CACNA1C: variants seen among roughly 807,000 people sequenced by gnomAD.
The protein encoded by CACNA1C is voltage-dependent L-type calcium channel subunit alpha-1C.
In CACNA1C, 30 loss-of-function variants were observed where a neutral mutation model predicts 229.0. That is an observed-to-expected ratio of 0.13 (90% CI 0.10 to 0.18). The LOEUF is 0.18. Ranked by LOEUF, CACNA1C falls within the 10% of genes least tolerant of loss-of-function variation. CACNA1C has a pLI of 1.00. For missense variants in CACNA1C, 1,658 were observed against 2,845.0 expected (o/e 0.58, Z 9.49); for synonymous variants, 1,114 against 1,132.5 (o/e 0.98, Z 0.33).
intron 1 of CACNA1C, among the ~76,000 whole-genome samples, chr12:2,019,622 G>GAA (rs2046081760): frequency 8.5e-5 from 2 of 23,482 alleles, no homozygotes; most frequent in African/African-American, 2.6e-4. Flanking sequence ...GAAAGAAAAA[G>GAA]AAAGAAAGAA....
At chr12:2,178,595 C>T (rs992262763) in intron 3 of CACNA1C, among the ~76,000 whole-genome samples, 1 of 152,128 alleles carries the variant, frequency 6.6e-6, no homozygotes, top group Non-Finnish European at 1.5e-5. Context: ...CTGTGAACAC[C>T]TCTCTGCTCC....
intron 38 of CACNA1C, among the ~76,000 whole-genome samples, chr12:2,672,866 G>GT (rs2096625910): frequency 6.6e-6 from 1 of 152,222 alleles, no homozygotes; most frequent in Admixed American, 6.5e-5. Flanking sequence ...TGCACTGCGT[G>GT]TGTCAGAAAC....
At chr12:2,645,616 T>C (rs216029) in intron 30 of CACNA1C, among the ~76,000 whole-genome samples, 41,478 of 152,060 alleles carry the variant, frequency 0.27, 6,463 homozygotes, top group African/African-American at 0.43. Context: ...CGTGGGATCA[T>C]GTAGGAAACG....
At chr12:2,073,629 C>A (rs931307842) in intron 1 of CACNA1C, among the ~76,000 whole-genome samples, 5 of 152,248 alleles carry the variant, frequency 3.3e-5, no homozygotes, top group Non-Finnish European at 5.9e-5. Context: ...CTGGAATCAA[C>A]TATTTACATT....
chr12:2,445,896 G>A (rs2099272535), intron 3 of CACNA1C, among the ~76,000 whole-genome samples: 1 of 152,108 alleles, frequency 6.6e-6, no homozygotes, highest in South Asian at 2.1e-4. Flanking sequence ...GAGTGGTTCT[G>A]TGCTTGAGTG....
chr12:1,979,070 C>A (rs898755009), intron 1 of CACNA1C, among the ~76,000 whole-genome samples: 1 of 150,576 alleles, frequency 6.6e-6, no homozygotes, highest in African/African-American at 2.4e-5. Flanking sequence ...AGTGCAATGG[C>A]GCGATCTTGG....
chr12:2,365,580 G>C (rs918718135), intron 3 of CACNA1C, among the ~76,000 whole-genome samples: 1 of 152,220 alleles, frequency 6.6e-6, no homozygotes, highest in Non-Finnish European at 1.5e-5. Context: ...TGGCCTTCAT[G>C]AAATTGCAAA....
intron 3 of CACNA1C, among the ~76,000 whole-genome samples, chr12:2,430,959 G>T (rs538822503): frequency 6.6e-6 from 1 of 152,130 alleles, no homozygotes; most frequent in African/African-American, 2.4e-5. Context: ...CTCTGTGGGC[G>T]GCTTCAGGCA....
intron 1 of CACNA1C, among the ~76,000 whole-genome samples, chr12:1,987,125 C>T (rs1040826788): frequency 6.6e-6 from 1 of 152,192 alleles, no homozygotes; most frequent in Admixed American, 6.5e-5. Flanking sequence ...CAGGAACTCC[C>T]AGCTTTACAA....
In CACNA1C at chr12:2,512,994, C is replaced by T. The variant is rs772707687; in HGVS notation, c.1390+10C>T. On this transcript the variant is annotated intron_variant, in intron 9 of 46. Coordinates refer to ENST00000399655, the MANE Select transcript of CACNA1C (RefSeq NM_000719.7). This position sits in a 1 kb window ranked among gnomAD's most constrained non-coding sequence, Gnocchi z 4.3. ...GAGAAGCCCCGAAACAGTGAGCAGC[C>T]GTCTTCTTCTGTGTTTGGGCTGGGT... 1.6e-5 allele frequency: 25 copies of T among 1,587,540 alleles called. No individual in the cohort carries two copies. Among genetic ancestry groups the T allele is most frequent in the South Asian group, 1.2e-4 (10 of 86,742 alleles).
At position 2,566,651 on chromosome 12, in the gene CACNA1C, A is replaced by G. The variant is rs1213862845; in HGVS notation, c.1669+69A>G. The G allele has an allele frequency of 9.6e-6, 13 of 1,353,896 alleles. No homozygotes were observed. Among genetic ancestry groups the G allele is most frequent in the Non-Finnish European group, 1.2e-5 (12 of 985,504 alleles). The allele number at this position is 1,353,896 out of a possible 1,614,324, so 83.9% of individuals were successfully genotyped here. On this transcript the variant is annotated intron_variant, in intron 12 of 46. Transcript: ENST00000399655. The surrounding 1 kb of genome is among the most constrained non-coding windows in gnomAD (Gnocchi z 4.0). ...TCAGCCCCAAGGCCCAGGGGAGGGC[A>G]TAACCACAGGCAGAAGGTGGAGGGG...
chr12:2,006,395 G>A (rs1048148772), intron 1 of CACNA1C, among the ~76,000 whole-genome samples: 1 of 152,104 alleles, frequency 6.6e-6, no homozygotes, highest in Non-Finnish European at 1.5e-5. Flanking sequence ...GTGATAGAGC[G>A]AGACTCCATC....
intron 5 of CACNA1C, among the ~76,000 whole-genome samples, chr12:2,461,296 T>TGCCCTTG (rs1284407436): frequency 2.0e-5 from 3 of 152,238 alleles, no homozygotes; most frequent in Non-Finnish European, 4.4e-5. Flanking sequence ...GAACCACCGT[T>TGCCCTTG]GCCCTTGGCC....
At chr12:2,247,404 T>C (rs751866469) in intron 3 of CACNA1C, among the ~76,000 whole-genome samples, 24 of 152,194 alleles carry the variant, frequency 1.6e-4, no homozygotes, top group Non-Finnish European at 3.2e-4. Flanking sequence ...TTAGCTAAAT[T>C]TGCATGTGAC....
At chr12:2,501,772 C>T (rs2099760974) in intron 7 of CACNA1C, among the ~76,000 whole-genome samples, 2 of 152,328 alleles carry the variant, frequency 1.3e-5, no homozygotes, top group African/African-American at 4.8e-5. Flanking sequence ...GTTACCTTAT[C>T]GCTAAAGGAA....
At chr12:2,364,759 G>A (rs924673751) in intron 3 of CACNA1C, among the ~76,000 whole-genome samples, 2 of 152,040 alleles carry the variant, frequency 1.3e-5, no homozygotes, top group Non-Finnish European at 2.9e-5. Context: ...GGGGCTCCTC[G>A]TCCTGAAAGC....
chr12:2,547,579 G>A (rs768617890), intron 9 of CACNA1C: 15 of 770,594 alleles, frequency 1.9e-5, no homozygotes, highest in Admixed American at 1.6e-4. Context: ...ATACCAGACT[G>A]AATGGGAAGG....
At chr12:2,230,394 C>G (rs1047071955) in intron 3 of CACNA1C, among the ~76,000 whole-genome samples, 2 of 152,150 alleles carry the variant, frequency 1.3e-5, no homozygotes, top group Admixed American at 1.3e-4. Context: ...GAAGGGGAGG[C>G]GGGGCCGAGC....
chr12:2,355,947 A>G (rs537435617), intron 3 of CACNA1C, among the ~76,000 whole-genome samples: 1 of 152,204 alleles, frequency 6.6e-6, no homozygotes, highest in Non-Finnish European at 1.5e-5. Flanking sequence ...GGCAGGACAC[A>G]GCTGCTTGCA....
Sources: allele counts gnomAD v4.1 joint callset (sites outside exome capture counted in the v4.1 genomes callset), GRCh38; gene constraint gnomAD v4.1.1; non-coding constraint Gnocchi (gnomAD v3.1); transcripts MANE v1.5; gene names NCBI Gene and HGNC (gene_info 2026-07-23, HGNC 2026-07-21).